GNAO1: variants seen among roughly 807,000 people sequenced by gnomAD.
The protein encoded by GNAO1 is G protein subunit alpha o1, also known as guanine nucleotide-binding protein G(o) subunit alpha.
For missense variants in GNAO1, 166 were observed against 478.7 expected, an observed-to-expected ratio of 0.35 and a Z score of 6.10; for synonymous variants, 164 against 180.7, an observed-to-expected ratio of 0.91 and a Z score of 0.74.
Position 56,311,099 on chromosome 16 carries a change from A to G in GNAO1, c.304-17532A>G, listed in dbSNP as rs2037453510. Among the ~76,000 whole-genome samples, 1 of 150,442 alleles carries G rather than the reference A, an allele frequency of 6.6e-6. No individual in the cohort carries two copies. The highest frequency in any genetic ancestry group is 2.1e-4 in the South Asian group (1 of 4,764). The stretch of plus-strand genomic sequence containing the variant: ...CACCTTCCCTTTTCTAAGCCTTACA[A>G]CCTGCAGAAAGGAACTCCTTTTTTC... On this transcript the variant is annotated intron_variant, in intron 3 of 8. Transcript: ENST00000262493. The surrounding 1 kb of genome is among the most constrained non-coding windows in gnomAD (Gnocchi z 5.2).
intron 3 of GNAO1, among the ~76,000 whole-genome samples, chr16:56,280,820 A>G (rs367904426): frequency 2.0e-5 from 3 of 152,322 alleles, no homozygotes; most frequent in East Asian, 3.9e-4. Context: ...ACAGAGGGTG[A>G]GTCCCCTTCC....
At position 56,191,903 on chromosome 16, in the gene GNAO1, G is replaced by T; in HGVS notation, c.-333G>T. On this transcript the variant is annotated 5_prime_UTR_variant, in exon 1 of 9. Transcript: ENST00000262493. The surrounding 1 kb of genome is among the most constrained non-coding windows in gnomAD (Gnocchi z 4.7). ...CCTCGACTATTATTTTATTTATTTTGGGTCGTGCACAAGCCTCAGTGCCTG... is the reference window on the plus strand; with the variant it reads ...CCTCGACTATTATTTTATTTATTTTTGGTCGTGCACAAGCCTCAGTGCCTG... 3 of 277,708 alleles carry T rather than the reference G, an allele frequency of 1.1e-5. No individual in the cohort carries two copies. Among genetic ancestry groups the T allele is most frequent in the Non-Finnish European group, 1.3e-5 (2 of 154,662 alleles). 17.2% of individuals were successfully genotyped at this position (277,708 alleles called of 1,614,324 possible).
At chr16:56,347,949 C>G in intron 6 of GNAO1, 1 of 961,656 alleles carries the variant, frequency 1.0e-6, no homozygotes. Flanking sequence ...TCTTCCTCCC[C>G]ACGCACCCCC....
intron 2 of GNAO1, among the ~76,000 whole-genome samples, chr16:56,201,534 G>A (rs530686490): frequency 3.9e-5 from 6 of 152,278 alleles, no homozygotes; most frequent in Non-Finnish European, 5.9e-5. Flanking sequence ...GATCACCTAC[G>A]TAGACTGGAG....
chr16:56,313,218 T>A (rs939685277), intron 3 of GNAO1, among the ~76,000 whole-genome samples: 2 of 152,214 alleles, frequency 1.3e-5, no homozygotes, highest in Admixed American at 6.5e-5. Flanking sequence ...GGTATGATGC[T>A]TGGGAAAGAA....
chr16:56,231,757 AC>A (rs2036590421), intron 2 of GNAO1, among the ~76,000 whole-genome samples: 1 of 152,194 alleles, frequency 6.6e-6, no homozygotes, highest in Non-Finnish European at 1.5e-5. Context: ...AGGCACTGGC[AC>A]CTGAAGTCAG....
rs1241301252 is a variant in GNAO1, at chr16:56,354,742, C to T, written c.878-124C>T. The T allele has an allele frequency of 4.9e-6, 3 of 612,598 alleles. No individual in the cohort carries two copies. The highest frequency in any genetic ancestry group is 2.0e-5 in the South Asian group (1 of 49,936). 37.9% of individuals were successfully genotyped at this position (612,598 alleles called of 1,614,324 possible). ...GAACTGCCCAGCAGTTCCTACTGCT[C>T]CCTTCCTGTCTCATCCCACTTCCTG... On this transcript the variant is annotated intron_variant, in intron 7 of 8. Transcript: ENST00000262493. The surrounding 1 kb of genome is among the most constrained non-coding windows in gnomAD (Gnocchi z 4.3).
intron 3 of GNAO1, among the ~76,000 whole-genome samples, chr16:56,284,989 C>G (rs1181970175): frequency 1.3e-5 from 2 of 152,250 alleles, no homozygotes; most frequent in Admixed American, 1.3e-4. Flanking sequence ...AGGGCTCCAG[C>G]ACATTGGCCC....
intron 2 of GNAO1, among the ~76,000 whole-genome samples, chr16:56,202,765 A>T (rs2036292103): frequency 6.6e-6 from 1 of 152,232 alleles, no homozygotes; most frequent in Non-Finnish European, 1.5e-5. Context: ...AGCTGTGCTT[A>T]TTTACTGGAG....
At chr16:56,331,748 G>A (rs769242104) in intron 4 of GNAO1, among the ~76,000 whole-genome samples, 2 of 152,106 alleles carry the variant, frequency 1.3e-5, no homozygotes, top group East Asian at 1.9e-4. Flanking sequence ...CTCCTGTCTC[G>A]TTTTAAACAC....
chr16:56,217,839 A>G (rs1037306871), intron 2 of GNAO1, among the ~76,000 whole-genome samples: 1 of 152,224 alleles, frequency 6.6e-6, no homozygotes, highest in Non-Finnish European at 1.5e-5. Context: ...TACCATTAAC[A>G]GTATGTTATG....
intron 6 of GNAO1, chr16:56,340,837 C>G (rs746569229): frequency 1.9e-6 from 3 of 1,613,410 alleles, no homozygotes; most frequent in Non-Finnish European, 2.5e-6. Flanking sequence ...GTTGCAGAAC[C>G]GCATGCACGA....
chr16:56,201,201 G>C (rs1429009132), intron 2 of GNAO1, among the ~76,000 whole-genome samples: 1 of 152,184 alleles, frequency 6.6e-6, no homozygotes, highest in Non-Finnish European at 1.5e-5. Context: ...ACCTTCTCTA[G>C]GCAGGAAGTT....
At chr16:56,270,235 A>T (rs1386728804) in intron 2 of GNAO1, 1 of 152,186 alleles carries the variant, frequency 6.6e-6, no homozygotes, top group South Asian at 2.1e-4. Context: ...GTCCAAAGTC[A>T]AACACTCCAC....
intron 2 of GNAO1, chr16:56,193,645 G>A (rs1567432728): frequency 6.2e-6 from 1 of 161,594 alleles, no homozygotes; most frequent in African/African-American, 2.4e-5. Context: ...AAGGAGCCTC[G>A]CCCCTCCTTT....
chr16:56,192,747 C>CAG (rs1250211392), intron 2 of GNAO1, 131 bp downstream of exon 2: 148 of 666,892 alleles, frequency 2.2e-4, no homozygotes, highest in African/African-American at 1.4e-3. Flanking sequence ...CACACACACA[C>CAG]ACACCCCTAT....
At chr16:56,221,865 C>T (rs1486758682) in intron 2 of GNAO1, among the ~76,000 whole-genome samples, 2 of 151,972 alleles carry the variant, frequency 1.3e-5, no homozygotes, top group South Asian at 2.1e-4. Flanking sequence ...TTGATTTTTT[C>T]CCAGGTTGGA....
chr16:56,217,387 A>G (rs1243417677), intron 2 of GNAO1, among the ~76,000 whole-genome samples: 3 of 152,242 alleles, frequency 2.0e-5, no homozygotes, highest in Non-Finnish European at 4.4e-5. Context: ...TGTGCATATT[A>G]AATTCAGGAT....
intron 2 of GNAO1, chr16:56,213,443 T>C (rs2036408892): frequency 5.0e-6 from 2 of 397,582 alleles, no homozygotes; most frequent in Non-Finnish European, 8.9e-6. Context: ...ACAAGTGCTA[T>C]GGAGAAGAAT....
Sources: gnomAD v4.1 joint callset for allele counts (sites outside exome capture counted in the v4.1 genomes callset) on GRCh38, gnomAD v4.1.1 for gene constraint, Gnocchi (gnomAD v3.1) non-coding constraint, MANE v1.5 for transcripts, NCBI Gene and HGNC (gene_info 2026-07-23, HGNC 2026-07-21) for gene names.